MAP3K1: variants seen among roughly 807,000 people sequenced by gnomAD.
MAP3K1 encodes mitogen-activated protein kinase kinase kinase 1.
MAP3K1 carries 36 observed loss-of-function variants against 144.2 expected under a neutral mutation model. The ratio of observed to expected loss-of-function variants is 0.25; its 90% CI spans 0.19 to 0.33. The LOEUF is 0.33. Among genes scored for constraint, MAP3K1 ranks in the 10% least tolerant of loss-of-function variants. MAP3K1 has a pLI of 1.00. For missense variants in MAP3K1, 1,650 were observed against 1,881.9 expected (o/e 0.88, Z 2.28); for synonymous variants, 718 against 688.7 (o/e 1.04, Z -0.67).
Position 56,894,200 on chromosome 5 carries a change from A to G in MAP3K1, c.*520A>G, listed in dbSNP as rs368834912. 24 of 243,350 alleles carry G rather than the reference A, an allele frequency of 9.9e-5. No individual in the cohort carries two copies. The South Asian group carries it at 3.1e-3, about 31-fold the overall frequency. The allele number at this position is 243,350 out of a possible 1,614,324, so 15.1% of individuals were successfully genotyped here. On this transcript the variant is annotated 3_prime_UTR_variant, in exon 20 of 20. Coordinates refer to ENST00000399503, the MANE Select transcript of MAP3K1 (RefSeq NM_005921.2). ...TATTTTTAAAAGTTGATACTTCTTT[A>G]TGACCCACAGTTGACCTTTATTTTC...
chr5:56,856,691 A>G lies in MAP3K1; in HGVS notation c.574A>G (p.Thr192Ala). ...ERMIREKLKATCMPAWKHEWL... is the reference protein window; with the variant it reads ...ERMIREKLKAACMPAWKHEWL... ...AATGATCAGGGAGAAACTGAAGGCA[A>G]CCTGTATGCCAGCCTGGAAGCACGA... The change falls in exon 2 of 20, where the codon ACC becomes GCC. Residue 192 changes from threonine to alanine, a missense_variant. Physicochemically the swap from Thr to Ala is moderately conservative, Grantham distance 58. Transcript: ENST00000399503. 6.2e-7 allele frequency: 1 copy of G among 1,614,070 alleles called. No homozygotes were observed.
intron 3 of MAP3K1, 135 bp downstream of exon 3, chr5:56,860,050 G>C: frequency 4.9e-6 from 4 of 811,672 alleles, no homozygotes; most frequent in South Asian, 1.5e-5. Flanking sequence ...GGATGGGGGG[G>C]GTGGTTCCTG....
Position 56,815,816 on chromosome 5 carries a change from C to A in MAP3K1, c.243C>A (p.Ala81=). The part of the protein sequence containing the change: ...DQLPEQPLFL[A]ASPPASSTSP... ...TGCCTGAGCAGCCGCTCTTCCTTGC[C>A]GCCTCACCGCCGGCCTCCTCGACTT... Residue 81 remains alanine (A), a synonymous_variant, in exon 1 of 20, where the codon GCC becomes GCA. Coordinates refer to ENST00000399503, the MANE Select transcript of MAP3K1 (RefSeq NM_005921.2). 3 of 1,422,474 alleles carry A rather than the reference C, an allele frequency of 2.1e-6. No homozygotes were observed. Among genetic ancestry groups the A allele is most frequent in the Non-Finnish European group, 2.8e-6 (3 of 1,085,040 alleles). The allele number at this position is 1,422,474 out of a possible 1,614,324, so 88.1% of individuals were successfully genotyped here.
At position 56,888,473 on chromosome 5, in the gene MAP3K1, C is replaced by G. The variant is rs377221786; in HGVS notation, c.4389+116C>G. ...TCTAGCATGAAGGTAAATAAATAGT[C>G]TGTATATTTATTCAGAGAGGATTTG... On this transcript the variant is annotated intron_variant, in intron 19 of 19. Transcript: ENST00000399503. 7 of 894,398 alleles carry G rather than the reference C, an allele frequency of 7.8e-6. No homozygotes were observed. The African/African-American group carries it at 9.9e-5, about 13-fold the overall frequency. 55.4% of individuals were successfully genotyped at this position (894,398 alleles called of 1,614,324 possible). A position where few individuals can be genotyped will look rare whatever the true frequency, so the allele number is the denominator to read the frequency against.
At chr5:56,836,484 T>C (rs1746659059) in intron 1 of MAP3K1, among the ~76,000 whole-genome samples, 1 of 152,182 alleles carries the variant, frequency 6.6e-6, no homozygotes. Context: ...CCCATATAGA[T>C]ATTACTTATT....
chr5:56,845,359 G>GA (rs766078530), intron 1 of MAP3K1, among the ~76,000 whole-genome samples: 28 of 152,280 alleles, frequency 1.8e-4, no homozygotes, highest in Non-Finnish European at 4.0e-4. Context: ...ACTGACTTGG[G>GA]ATCTTTTTAA....
chr5:56,870,187 A>G (rs7730328), intron 6 of MAP3K1, among the ~76,000 whole-genome samples: 1,806 of 152,282 alleles, frequency 0.012, 46 homozygotes, highest in African/African-American at 0.04. Context: ...ATAGTTTAAG[A>G]TAGTAGAAGT....
rs1209833340 is a variant in MAP3K1 at position 56,882,276 on chromosome 5, T to C, written c.3076T>C (p.Ser1026Pro). The C allele has an allele frequency of 6.2e-7, 1 of 1,613,996 alleles. No homozygotes were observed. The highest frequency in any genetic ancestry group is 1.1e-5 in the South Asian group (1 of 91,094). ...SASPQTQRKFSLQFHRNCPEN... is the reference protein window; with the variant it reads ...SASPQTQRKFPLQFHRNCPEN... ...ATCTCCTCAAACACAGCGCAAGTTT[T>C]CTCTACAATTCCACAGAAACTGTCC... is the stretch of plus-strand genomic sequence containing the variant. Residue 1026 changes from serine to proline, a missense_variant, in exon 14 of 20, where the codon TCT (serine) becomes CCT (proline). This residue lies in a region of MAP3K1 where 841 missense variants were observed against 886.5 expected (regional missense o/e 0.95). Transcript: ENST00000399503.
chr5:56,892,230 T>G (rs532896496), intron 19 of MAP3K1, among the ~76,000 whole-genome samples: 1 of 152,276 alleles, frequency 6.6e-6, no homozygotes, highest in East Asian at 1.9e-4. Flanking sequence ...TTGTAGTTCT[T>G]GAAGAGGTCC....
intron 6 of MAP3K1, among the ~76,000 whole-genome samples, chr5:56,870,528 C>T (rs1747819407): frequency 1.3e-5 from 2 of 152,142 alleles, no homozygotes; most frequent in Admixed American, 1.3e-4. Flanking sequence ...AGGAATGAAA[C>T]TCTTCTTTGC....
At chr5:56,883,006 A>G (rs1748273409) in intron 14 of MAP3K1, 140 bp downstream of exon 14, 1 of 687,078 alleles carries the variant, frequency 1.5e-6, no homozygotes, top group African/African-American at 1.8e-5. Flanking sequence ...CTGGTCAACA[A>G]AGCAAGACCC....
Position 56,815,804 on chromosome 5 carries a change from G to T in MAP3K1, c.231G>T (p.Pro77=). ...SVELDQLPEQ[P]LFLAASPPAS... The stretch of plus-strand genomic sequence containing the variant: ...AGCTGGACCAGCTGCCTGAGCAGCC[G>T]CTCTTCCTTGCCGCCTCACCGCCGG... The change falls in exon 1 of 20, where the codon CCG becomes CCT. Residue 77 remains proline (P), a synonymous_variant. Transcript: ENST00000399503. 16 of 1,423,130 alleles carry T rather than the reference G, an allele frequency of 1.1e-5. No individual in the cohort carries two copies. The highest frequency in any genetic ancestry group is 1.5e-5 in the Non-Finnish European group (16 of 1,085,474). The allele number at this position is 1,423,130 out of a possible 1,614,324, so 88.2% of individuals were successfully genotyped here.
intron 3 of MAP3K1, among the ~76,000 whole-genome samples, chr5:56,861,916 T>G (rs1747527260): frequency 6.6e-6 from 1 of 152,026 alleles, no homozygotes; most frequent in Non-Finnish European, 1.5e-5. Context: ...GATCTGGAGT[T>G]ATTAAGGTAC....
At chr5:56,873,033 C>T (rs995775744) in intron 9 of MAP3K1, 28 bp downstream of exon 9, 48 of 1,591,038 alleles carry the variant, frequency 3.0e-5, no homozygotes, top group Non-Finnish European at 4.1e-5. Context: ...TTTCATTTCT[C>T]AAAGAAATAT....
intron 2 of MAP3K1, among the ~76,000 whole-genome samples, chr5:56,859,066 A>T (rs891833938): frequency 4.6e-4 from 11 of 23,818 alleles, no homozygotes; most frequent in African/African-American, 1.0e-3. Context: ...AGCCTTAATT[A>T]AAAAAAAAAA....
At chr5:56,876,028 C>T (rs901669966) in intron 10 of MAP3K1, among the ~76,000 whole-genome samples, 23 of 152,096 alleles carry the variant, frequency 1.5e-4, no homozygotes, top group African/African-American at 5.6e-4. Context: ...CCAGTTTAAC[C>T]TGTTAAAAGT....
At position 56,859,708 on chromosome 5, in the gene MAP3K1, G is replaced by T; in HGVS notation, c.634-7G>T. ...AGTAATCAAAATATTGGAATACTTTGATTCAGGTGGTAAAACCAATCCCAG... is the reference window on the plus strand; with the variant it reads ...AGTAATCAAAATATTGGAATACTTTTATTCAGGTGGTAAAACCAATCCCAG... On this transcript the variant is annotated splice_polypyrimidine_tract_variant and splice_region_variant and intron_variant, in intron 2 of 19. Transcript: ENST00000399503. 6.2e-7 allele frequency: 1 copy of T among 1,606,902 alleles called. No individual in the cohort carries two copies. Among genetic ancestry groups the T allele is most frequent in the South Asian group, 1.1e-5 (1 of 90,802 alleles).
chr5:56,836,621 G>A lies in MAP3K1; in HGVS notation c.483-19979G>A, dbSNP rs115475828. The stretch of plus-strand genomic sequence containing the variant: ...GAGTGACTTGTTACTGTTTACATGA[G>A]GCTAGTTGTGTGGCACTCCCTAAAC... On this transcript the variant is annotated intron_variant, in intron 1 of 19. Coordinates refer to ENST00000399503, the MANE Select transcript of MAP3K1 (RefSeq NM_005921.2). 7.4e-3 allele frequency among the ~76,000 whole-genome samples: 1,130 copies of A among 152,220 alleles called. 13 individuals are homozygous for A. The highest frequency in any genetic ancestry group is 0.026 in the African/African-American group (1,071 of 41,528).
chr5:56,858,807 C>T (rs935849325), intron 2 of MAP3K1, among the ~76,000 whole-genome samples: 6 of 151,978 alleles, frequency 3.9e-5, no homozygotes, highest in Admixed American at 6.6e-5. Context: ...TTTAACTCAG[C>T]GTAGAAAGAT....
Sources: allele counts gnomAD v4.1 joint callset (sites outside exome capture counted in the v4.1 genomes callset), GRCh38; gene constraint gnomAD v4.1.1; regional missense constraint gnomAD v4.1.1; transcripts MANE v1.5; gene names NCBI Gene and HGNC (gene_info 2026-07-23, HGNC 2026-07-21).